ST3GAL3: variants seen among roughly 807,000 people sequenced by gnomAD.
ST3GAL3 encodes ST3 beta-galactoside alpha-2,3-sialyltransferase 3.
A neutral mutation model predicts 50.1 loss-of-function variants in ST3GAL3; 21 were observed. The observed-to-expected ratio is 0.42, with a 90% CI of 0.30 to 0.60. ST3GAL3 has a LOEUF of 0.60. Ranked by LOEUF, ST3GAL3 falls within the 20% of genes least tolerant of loss-of-function variation. The probability of loss-of-function intolerance (pLI) is 0.19; values close to 1 mark genes in which losing one functional copy is unlikely to be tolerated. For missense variants in ST3GAL3, 353 were observed against 489.4 expected (o/e 0.72, Z 2.63); for synonymous variants, 183 against 190.0 (o/e 0.96, Z 0.30).
intron 9 of ST3GAL3, among the ~76,000 whole-genome samples, chr1:43,917,450 AATATATAAT>A (rs1375576514): frequency 3.4e-4 from 8 of 23,438 alleles, no homozygotes; most frequent in Admixed American, 1.6e-3. Flanking sequence ...TATAATATAT[AATATATAAT>A]ATATATAATA....
intron 4 of ST3GAL3, among the ~76,000 whole-genome samples, chr1:43,834,053 C>T (rs898560418): frequency 3.9e-5 from 6 of 152,070 alleles, no homozygotes; most frequent in Non-Finnish European, 8.8e-5. Flanking sequence ...CTCAGCTTCT[C>T]GGGAGGCTGA....
At chr1:43,764,871 T>A (rs1691971807) in intron 2 of ST3GAL3, among the ~76,000 whole-genome samples, 1 of 152,200 alleles carries the variant, frequency 6.6e-6, no homozygotes, top group Non-Finnish European at 1.5e-5. Flanking sequence ...AATAAGCCCT[T>A]TAGTTACTGA....
At chr1:43,781,954 A>G (rs970044058) in intron 2 of ST3GAL3, among the ~76,000 whole-genome samples, 1 of 152,234 alleles carries the variant, frequency 6.6e-6, no homozygotes. Context: ...TTGAAAGGTC[A>G]TTGAAAACCT....
At chr1:43,806,850 C>T (rs1042714618) in intron 3 of ST3GAL3, among the ~76,000 whole-genome samples, 1 of 152,044 alleles carries the variant, frequency 6.6e-6, no homozygotes, top group East Asian at 1.9e-4. Flanking sequence ...CCACCATGCT[C>T]GGGTAATGTT....
chr1:43,831,441 A>T (rs2063533209), intron 4 of ST3GAL3, among the ~76,000 whole-genome samples: 1 of 152,256 alleles, frequency 6.6e-6, no homozygotes, highest in African/African-American at 2.4e-5. Context: ...CAATCAGTGC[A>T]TATGAAAATT....
intron 5 of ST3GAL3, chr1:43,858,044 C>A: frequency 1.0e-6 from 1 of 975,548 alleles, no homozygotes; most frequent in Non-Finnish European, 1.4e-6. Flanking sequence ...TGTCGGACTA[C>A]AGTGGAAAGA....
chr1:43,883,258 C>A (rs532581173), intron 5 of ST3GAL3, among the ~76,000 whole-genome samples: 1 of 152,160 alleles, frequency 6.6e-6, no homozygotes, highest in Non-Finnish European at 1.5e-5. Flanking sequence ...CATGAGCCAC[C>A]GTGCCTGGCT....
At chr1:43,742,097 A>T (rs1027211971) in intron 2 of ST3GAL3, among the ~76,000 whole-genome samples, 83 of 152,304 alleles carry the variant, frequency 5.4e-4, no homozygotes, top group African/African-American at 1.9e-3. Flanking sequence ...CTTACCATAT[A>T]GACAGCAGCT....
chr1:43,729,882 A>C (rs1341311104), intron 1 of ST3GAL3, among the ~76,000 whole-genome samples: 1 of 152,224 alleles, frequency 6.6e-6, no homozygotes, highest in Non-Finnish European at 1.5e-5. Context: ...ATTGGGTTAA[A>C]GGGTTAAAAG....
At position 43,920,909 on chromosome 1, in the gene ST3GAL3, G is replaced by A. The variant is rs2082916829; in HGVS notation, c.1019G>A (p.Arg340His). The A allele has an allele frequency of 6.2e-7, 1 of 1,613,240 alleles. No individual in the cohort carries two copies. Among genetic ancestry groups the A allele is most frequent in the Non-Finnish European group, 8.5e-7 (1 of 1,179,624 alleles). Residue 340 changes from arginine to histidine, a missense_variant, in exon 11 of 12, where the codon CGC becomes CAC. Coordinates refer to ENST00000347631, the MANE Select transcript of ST3GAL3 (RefSeq NM_006279.5). ...NAPLHYYETV[R>H]MAAIKESWTH... ...CCCCTGCACTACTATGAGACCGTTC[G>A]CATGGCAGCCATCAAAGAGGTTCGG...
intron 3 of ST3GAL3, among the ~76,000 whole-genome samples, chr1:43,813,010 A>G (rs1231279698): frequency 6.6e-6 from 1 of 152,258 alleles, no homozygotes; most frequent in Non-Finnish European, 1.5e-5. Flanking sequence ...AAGACATTGC[A>G]ACAGGATTTG....
intron 5 of ST3GAL3, among the ~76,000 whole-genome samples, chr1:43,878,114 TG>T (rs779779878): frequency 6.6e-6 from 1 of 152,176 alleles, no homozygotes; most frequent in Non-Finnish European, 1.5e-5. Context: ...TCGCCTCTTC[TG>T]CCTCTGGCGA....
At chr1:43,928,328 C>T (rs1027073420) in intron 11 of ST3GAL3, among the ~76,000 whole-genome samples, 14 of 152,120 alleles carry the variant, frequency 9.2e-5, no homozygotes, top group Admixed American at 2.0e-4. Flanking sequence ...TGGCCGGGCA[C>T]GATGGCTCAC....
chr1:43,920,201 C>G, intron 9 of ST3GAL3: 1 of 637,944 alleles, frequency 1.6e-6, no homozygotes, highest in South Asian at 1.8e-5. Flanking sequence ...CCACCACACG[C>G]TCTCTTCACC....
At chr1:43,886,248 G>T (rs1249315316) in intron 5 of ST3GAL3, among the ~76,000 whole-genome samples, 1 of 152,174 alleles carries the variant, frequency 6.6e-6, no homozygotes, top group African/African-American at 2.4e-5. Context: ...GGGCGTGGTG[G>T]TGCACACCTG....
chr1:43,782,095 A>T (rs138370247), intron 2 of ST3GAL3, among the ~76,000 whole-genome samples: 6 of 152,310 alleles, frequency 3.9e-5, no homozygotes, highest in Admixed American at 3.3e-4. Flanking sequence ...CGCCAGTAGC[A>T]TCCTAATTGG....
intron 5 of ST3GAL3, among the ~76,000 whole-genome samples, chr1:43,890,151 A>C (rs924361260): frequency 3.3e-5 from 5 of 152,234 alleles, no homozygotes; most frequent in Non-Finnish European, 7.3e-5. Flanking sequence ...AGGTGTGATA[A>C]TGTTTTAAGA....
At chr1:43,790,633 C>CT (rs11343844) in intron 2 of ST3GAL3, among the ~76,000 whole-genome samples, 11 of 125,684 alleles carry the variant, frequency 8.8e-5, no homozygotes, top group South Asian at 2.5e-4. Flanking sequence ...ATGGCGTCTC[C>CT]TTTTTTTTTT....
chr1:43,749,217 A>G (rs56338811), intron 2 of ST3GAL3, among the ~76,000 whole-genome samples: 54,456 of 152,058 alleles, frequency 0.36, 10,732 homozygotes, highest in African/African-American at 0.53. Context: ...AGTGGATCGT[A>G]GACCTAAGTG....
Sources: gnomAD v4.1 joint callset for allele counts (sites outside exome capture counted in the v4.1 genomes callset) on GRCh38, gnomAD v4.1.1 for gene constraint, MANE v1.5 for transcripts, NCBI Gene and HGNC (gene_info 2026-07-23, HGNC 2026-07-21) for gene names.